The following CSMD1 variants were observed in gnomAD, a reference collection of about 807,000 sequenced individuals.
CSMD1 encodes the protein CUB and sushi domain-containing protein 1.
In CSMD1, 213 loss-of-function variants were observed where a neutral mutation model predicts 417.5. That is an observed-to-expected ratio of 0.51 (90% CI 0.46 to 0.57). The LOEUF is 0.57. Ranked by LOEUF, CSMD1 falls within the 20% of genes least tolerant of loss-of-function variation. The pLI, the probability that CSMD1 is intolerant of heterozygous loss-of-function variation, is 0.00. For synonymous variants in CSMD1, 2,862 were observed against 1,736.8 expected, an observed-to-expected ratio of 1.65 and a Z score of -16.11; for missense variants, 6,923 against 4,529.7, an observed-to-expected ratio of 1.53 and a Z score of -15.17.
At chr8:3,534,266 A>C (rs1798099548) in intron 10 of CSMD1, among the ~76,000 whole-genome samples, 1 of 152,116 alleles carries the variant, frequency 6.6e-6, no homozygotes, top group Non-Finnish European at 1.5e-5. Flanking sequence ...CTCACTTATT[A>C]ATCTTTCTTT....
intron 20 of CSMD1, among the ~76,000 whole-genome samples, chr8:3,364,378 G>C (rs762606058): frequency 2.0e-5 from 3 of 151,986 alleles, no homozygotes; most frequent in African/African-American, 4.8e-5. Flanking sequence ...CAGGCTTTAG[G>C]TATTATTTTC....
intron 3 of CSMD1, among the ~76,000 whole-genome samples, chr8:4,352,352 C>T (rs992025485): frequency 6.6e-6 from 1 of 152,158 alleles, no homozygotes; most frequent in East Asian, 1.9e-4. Context: ...TTAGAATGTT[C>T]TCAGATAATT....
At chr8:4,957,081 C>T (rs1259939480) in intron 1 of CSMD1, among the ~76,000 whole-genome samples, 2 of 152,100 alleles carry the variant, frequency 1.3e-5, no homozygotes, top group Non-Finnish European at 2.9e-5. Flanking sequence ...GCCAGATATG[C>T]TAGAAGTATG....
chr8:3,842,615 G>T (rs915498400), intron 5 of CSMD1, among the ~76,000 whole-genome samples: 1 of 152,096 alleles, frequency 6.6e-6, no homozygotes, highest in African/African-American at 2.4e-5. Context: ...ACATCAAGAA[G>T]ATGTTGACAG....
intron 10 of CSMD1, among the ~76,000 whole-genome samples, chr8:3,567,567 G>A (rs1483272058): frequency 6.6e-6 from 1 of 151,560 alleles, no homozygotes; most frequent in Non-Finnish European, 1.5e-5. Context: ...GGAAGGGAAG[G>A]AAAGGGAAGG....
chr8:3,544,334 A>C (rs1043302471), intron 10 of CSMD1, among the ~76,000 whole-genome samples: 1 of 152,180 alleles, frequency 6.6e-6, no homozygotes, highest in Non-Finnish European at 1.5e-5. Context: ...AATTCAGAAA[A>C]TTAATCCTTT....
chr8:3,771,182 G>A (rs1343394630), intron 5 of CSMD1, among the ~76,000 whole-genome samples: 1 of 152,066 alleles, frequency 6.6e-6, no homozygotes, highest in Non-Finnish European at 1.5e-5. Context: ...GCACTTTGGG[G>A]AAAAACGATG....
intron 1 of CSMD1, among the ~76,000 whole-genome samples, chr8:4,667,132 G>C (rs992568674): frequency 4.6e-5 from 7 of 152,010 alleles, no homozygotes; most frequent in African/African-American, 1.7e-4. Context: ...GTGTTACCTT[G>C]TCCCCTTTCT....
chr8:4,841,011 G>A (rs763015127), intron 1 of CSMD1, among the ~76,000 whole-genome samples: 8 of 152,178 alleles, frequency 5.3e-5, no homozygotes, highest in Non-Finnish European at 7.4e-5. Flanking sequence ...AGCGTTTGCC[G>A]TCAGCCCCCT....
intron 3 of CSMD1, among the ~76,000 whole-genome samples, chr8:4,123,335 G>C (rs1802590813): frequency 1.3e-5 from 2 of 152,200 alleles, no homozygotes; most frequent in African/African-American, 4.8e-5. Context: ...ATGCCAATTA[G>C]TAGGCTCAGT....
At chr8:4,162,687 C>G (rs1797240210) in intron 3 of CSMD1, among the ~76,000 whole-genome samples, 1 of 152,172 alleles carries the variant, frequency 6.6e-6, no homozygotes, top group Non-Finnish European at 1.5e-5. Context: ...GCCTCCCCAA[C>G]TATCAACATC....
In CSMD1 at chr8:4,112,597, G is replaced by T. The variant is rs576007117; in HGVS notation, c.416-80498C>A. Among the ~76,000 whole-genome samples, 15 of 152,252 alleles carry T rather than the reference G, an allele frequency of 9.9e-5. No individual in the cohort carries two copies. The East Asian group carries it at 2.9e-3, about 29-fold the overall frequency. On this transcript the variant is annotated intron_variant, in intron 3 of 69. Transcript: ENST00000635120. ...GGGAGGCTGACTTCACAGTCTGTGC[G>T]TGTATGAGGGCTGGTTCTCAGCAAG...
chr8:3,411,762 G>C (rs1399925060), intron 12 of CSMD1, among the ~76,000 whole-genome samples: 1 of 119,028 alleles, frequency 8.4e-6, no homozygotes, highest in Non-Finnish European at 1.7e-5. Flanking sequence ...GTATATACGT[G>C]TATATACGTG....
intron 11 of CSMD1, among the ~76,000 whole-genome samples, chr8:3,490,056 T>C (rs1039554539): frequency 1.2e-4 from 18 of 152,238 alleles, no homozygotes; most frequent in African/African-American, 3.9e-4. Flanking sequence ...TCAAAAGTAT[T>C]TGTCGATGTA....
At chr8:4,778,585 G>A (rs1051375793) in intron 1 of CSMD1, among the ~76,000 whole-genome samples, 58 of 152,306 alleles carry the variant, frequency 3.8e-4, no homozygotes, top group African/African-American at 1.2e-3. Context: ...TGGAAATTCC[G>A]TGAGAGGGAG....
intron 3 of CSMD1, among the ~76,000 whole-genome samples, chr8:4,155,468 G>C (rs1171693646): frequency 6.6e-6 from 1 of 152,196 alleles, no homozygotes; most frequent in Non-Finnish European, 1.5e-5. Flanking sequence ...TGGTAAGTAT[G>C]TGTTTCCTTC....
chr8:3,726,188 A>C (rs1287969798), intron 6 of CSMD1, among the ~76,000 whole-genome samples: 1 of 152,086 alleles, frequency 6.6e-6, no homozygotes. Context: ...CAGCTCTTGG[A>C]ACTCAGCCTC....
At chr8:4,352,272 C>T (rs1563083886) in intron 3 of CSMD1, among the ~76,000 whole-genome samples, 1 of 152,198 alleles carries the variant, frequency 6.6e-6, no homozygotes, top group African/African-American at 2.4e-5. Flanking sequence ...CTCACCTGCT[C>T]ATGAGGGTTC....
At position 3,306,385 on chromosome 8, in the gene CSMD1, G is replaced by A. The variant is rs561371405; in HGVS notation, c.3950+1310C>T. On this transcript the variant is annotated intron_variant, in intron 25 of 69. Coordinates refer to ENST00000635120, the MANE Select transcript of CSMD1 (RefSeq NM_033225.6). The stretch of plus-strand genomic sequence containing the variant: ...GATGGAGTTTTGCCATGCTGGCCAG[G>A]CTGATCTCGAACTACTGATCTTAAG... Among the ~76,000 whole-genome samples, 6 of 152,270 alleles carry A rather than the reference G, an allele frequency of 3.9e-5. No homozygotes were observed. In the East Asian group the frequency reaches 1.2e-3, roughly 29 times the overall value.
Sources: allele counts gnomAD v4.1 joint callset (sites outside exome capture counted in the v4.1 genomes callset), GRCh38; gene constraint gnomAD v4.1.1; transcripts MANE v1.5; gene names NCBI Gene and HGNC (gene_info 2026-07-23, HGNC 2026-07-21).